Variants in ABCA13 observed in about 807,000 individuals in gnomAD.
ABCA13 encodes the protein ATP binding cassette subfamily A member 13, also known as ATP-binding cassette sub-family A member 13.
In ABCA13, 476 loss-of-function variants were observed where a neutral mutation model predicts 478.7. The observed-to-expected ratio is 0.99, with a 90% CI of 0.92 to 1.07. ABCA13 has a LOEUF of 1.07. Ranked by LOEUF, ABCA13 falls within the 50% of genes least tolerant of loss-of-function variation. The probability of loss-of-function intolerance (pLI) is 0.00; values close to 1 mark genes in which losing one functional copy is unlikely to be tolerated. For missense variants in ABCA13, 6,060 were observed against 5,910.6 expected (o/e 1.03, Z -0.83); for synonymous variants, 2,252 against 2,158.9 (o/e 1.04, Z -1.20).
intron 55 of ABCA13, among the ~76,000 whole-genome samples, chr7:48,551,777 C>T (rs1304689642): frequency 2.6e-5 from 4 of 151,626 alleles, no homozygotes; most frequent in African/African-American, 9.7e-5. Flanking sequence ...GATTCCCTGT[C>T]CTGATTCCCT....
At chr7:48,280,976 T>C (rs146798020) in intron 18 of ABCA13, among the ~76,000 whole-genome samples, 1 of 152,328 alleles carries the variant, frequency 6.6e-6, no homozygotes, top group East Asian at 1.9e-4. Context: ...TCTCAGGTTT[T>C]ATCTCAAATT....
At chr7:48,630,190 T>C (rs1184534922) in intron 59 of ABCA13, among the ~76,000 whole-genome samples, 1 of 152,136 alleles carries the variant, frequency 6.6e-6, no homozygotes, top group African/African-American at 2.4e-5. Context: ...TTTAGGGGTA[T>C]AGGTGTGGAT....
intron 3 of ABCA13, among the ~76,000 whole-genome samples, chr7:48,217,447 C>G (rs984555107): frequency 6.6e-6 from 1 of 152,176 alleles, no homozygotes; most frequent in Non-Finnish European, 1.5e-5. Context: ...CAGTGTTAGT[C>G]TCACCACTGC....
intron 31 of ABCA13, 149 bp from the exon 32 acceptor site, chr7:48,367,645 A>G (rs1362263549): frequency 3.2e-6 from 2 of 631,268 alleles, no homozygotes; most frequent in East Asian, 2.9e-5. Context: ...CACACCAATC[A>G]TGGCCCTCCT....
chr7:48,373,479 G>T (rs761192681), intron 33 of ABCA13, among the ~76,000 whole-genome samples: 5 of 152,138 alleles, frequency 3.3e-5, no homozygotes, highest in Non-Finnish European at 5.9e-5. Flanking sequence ...TCACAACAAA[G>T]ATATACATAC....
chr7:48,504,125 G>T (rs1408770922), intron 48 of ABCA13, among the ~76,000 whole-genome samples: 1 of 152,132 alleles, frequency 6.6e-6, no homozygotes, highest in African/African-American at 2.4e-5. Flanking sequence ...GTGTCAGCAG[G>T]GTTGGACAGG....
rs199778693 is a variant in ABCA13, at chr7:48,215,069, T to A, written c.288-4285T>A. On this transcript the variant is annotated intron_variant, in intron 3 of 61. Coordinates refer to ENST00000435803, the MANE Select transcript of ABCA13 (RefSeq NM_152701.5). ...GGTGGAGGTTGCAGTGAGCTGAGAT[T>A]GTGCTACTGCTCTCCAGCCTGGGCA... 3.9e-4 allele frequency among the ~76,000 whole-genome samples: 59 copies of A among 152,228 alleles called. 1 individual carries two copies. In the South Asian group the frequency reaches 7.9e-3, roughly 20 times the overall value.
chr7:48,409,364 G>A (rs1233974469), intron 39 of ABCA13, among the ~76,000 whole-genome samples: 7 of 152,160 alleles, frequency 4.6e-5, no homozygotes, highest in South Asian at 2.1e-4. Context: ...AGCAAAAGTC[G>A]TAAAACTTGA....
chr7:48,429,335 G>A (rs1449321164), intron 42 of ABCA13, among the ~76,000 whole-genome samples: 1 of 152,090 alleles, frequency 6.6e-6, no homozygotes, highest in African/African-American at 2.4e-5. Context: ...TCAATCATTT[G>A]AGAAACTGCT....
chr7:48,342,349 C>T (rs1038733852), intron 29 of ABCA13, among the ~76,000 whole-genome samples: 1 of 152,140 alleles, frequency 6.6e-6, no homozygotes, highest in Non-Finnish European at 1.5e-5. Flanking sequence ...TTACATTTCT[C>T]GTTATGACTG....
rs1468883984 is a variant in ABCA13, at chr7:48,466,208, G to C, written c.12816-748G>C. Among the ~76,000 whole-genome samples the C allele has an allele frequency of 2.0e-5, 3 of 152,056 alleles. No homozygotes were observed. In the East Asian group the frequency reaches 5.8e-4, roughly 29 times the overall value. On this transcript the variant is annotated intron_variant, in intron 43 of 61. Coordinates refer to ENST00000435803, the MANE Select transcript of ABCA13 (RefSeq NM_152701.5). ...TGTCTTTTTCTCTACATTTTCTCAA[G>C]ATTGTCTTATAATTGAGGTATAAAA... is the stretch of plus-strand genomic sequence containing the variant.
intron 35 of ABCA13, among the ~76,000 whole-genome samples, chr7:48,383,014 T>C (rs1381885750): frequency 6.6e-6 from 1 of 152,146 alleles, no homozygotes; most frequent in African/African-American, 2.4e-5. Context: ...GTCCTACTCA[T>C]TCTTGGGCTG....
chr7:48,536,045 TG>T (rs1206345655), intron 55 of ABCA13, among the ~76,000 whole-genome samples: 1 of 152,316 alleles, frequency 6.6e-6, no homozygotes, highest in African/African-American at 2.4e-5. Context: ...TCAGCTTTCC[TG>T]GTATGTTCCT....
At chr7:48,521,595 C>T (rs1203095406) in intron 53 of ABCA13, among the ~76,000 whole-genome samples, 1 of 152,074 alleles carries the variant, frequency 6.6e-6, no homozygotes, top group Non-Finnish European at 1.5e-5. Flanking sequence ...TCTGATGTCC[C>T]TTACTAGTTT....
intron 55 of ABCA13, among the ~76,000 whole-genome samples, chr7:48,533,842 A>T (rs1255684258): frequency 6.6e-6 from 1 of 152,032 alleles, no homozygotes; most frequent in Non-Finnish European, 1.5e-5. Context: ...GTCCATTTGC[A>T]TGGAATATCT....
At chr7:48,456,189 A>T (rs1031088862) in intron 43 of ABCA13, among the ~76,000 whole-genome samples, 2 of 152,254 alleles carry the variant, frequency 1.3e-5, no homozygotes, top group Non-Finnish European at 2.9e-5. Flanking sequence ...GAAGACAACT[A>T]AGAGGACAGT....
At chr7:48,503,400 TTA>T (rs1830928187) in intron 48 of ABCA13, among the ~76,000 whole-genome samples, 1 of 152,206 alleles carries the variant, frequency 6.6e-6, no homozygotes, top group Non-Finnish European at 1.5e-5. Flanking sequence ...TTTATTTATC[TTA>T]TGTCTGGAAT....
chr7:48,253,896 T>C (rs1792964434), intron 15 of ABCA13, among the ~76,000 whole-genome samples: 1 of 152,038 alleles, frequency 6.6e-6, no homozygotes, highest in Admixed American at 6.6e-5. Context: ...TACCTCAATT[T>C]CTTTTTTTTT....
intron 41 of ABCA13, among the ~76,000 whole-genome samples, chr7:48,422,055 C>CAAAAAAAAAAAAA (rs4022355): frequency 1.4e-4 from 11 of 80,566 alleles, no homozygotes; most frequent in East Asian, 7.9e-4. Flanking sequence ...GTCTTTCTTA[C>CAAAAAAAAAAAAA]AAAAAAAAAA....
Sources: gnomAD v4.1 joint callset for allele counts (sites outside exome capture counted in the v4.1 genomes callset) on GRCh38, gnomAD v4.1.1 for gene constraint, MANE v1.5 for transcripts, NCBI Gene and HGNC (gene_info 2026-07-23, HGNC 2026-07-21) for gene names.